GALNT3: variants seen among roughly 807,000 people sequenced by gnomAD.
The protein encoded by GALNT3 is GalNAc transferase 3.
A neutral mutation model predicts 69.8 loss-of-function variants in GALNT3; 51 were observed. The observed-to-expected ratio is 0.73, with a 90% CI of 0.58 to 0.92. GALNT3 has a LOEUF of 0.92. GALNT3 is among the 40% of genes least tolerant of loss of function. The pLI, the probability that GALNT3 is intolerant of heterozygous loss-of-function variation, is 0.00. For missense variants in GALNT3, 711 were observed against 760.0 expected, an observed-to-expected ratio of 0.94 and a Z score of 0.76; for synonymous variants, 265 against 248.5, an observed-to-expected ratio of 1.07 and a Z score of -0.63.
chr2:165,756,898 G>T, intron 7 of GALNT3, 149 bp downstream of exon 7: 1 of 613,082 alleles, frequency 1.6e-6, no homozygotes, highest in Non-Finnish European at 2.8e-6. Context: ...CTTAAAAAAG[G>T]AAACTTGGAT....
chr2:165,786,420 T>C (rs1216753600), intron 1 of GALNT3, among the ~76,000 whole-genome samples: 2 of 152,192 alleles, frequency 1.3e-5, no homozygotes, highest in African/African-American at 2.4e-5. Context: ...CTGCAGGAGA[T>C]TGGTTCCACA....
intron 1 of GALNT3, among the ~76,000 whole-genome samples, chr2:165,783,692 C>T (rs1456954899): frequency 6.6e-6 from 1 of 152,076 alleles, no homozygotes; most frequent in African/African-American, 2.4e-5. Flanking sequence ...TCCAATTAAA[C>T]TTTGTTTTCA....
chr2:165,748,605 A>G lies in GALNT3; in HGVS notation c.*176T>C. 1 of 615,248 alleles carries G rather than the reference A, an allele frequency of 1.6e-6. No individual in the cohort carries two copies. Among genetic ancestry groups the G allele is most frequent in the East Asian group, 2.8e-5 (1 of 35,712 alleles). The allele number at this position is 615,248 out of a possible 1,614,324, so 38.1% of individuals were successfully genotyped here. On this transcript the variant is annotated 3_prime_UTR_variant, in exon 11 of 11. Coordinates refer to ENST00000392701, the MANE Select transcript of GALNT3 (RefSeq NM_004482.4). ...GTATTACTAGTTATTGTGCTTTGAA[A>G]CAGAAACTTGCAGAATTTCTGTAGT... is the stretch of plus-strand genomic sequence containing the variant.
At chr2:165,749,017 G>A (rs189945725) in intron 10 of GALNT3, 114 bp from the exon 11 acceptor site, 9 of 1,108,384 alleles carry the variant, frequency 8.1e-6, no homozygotes, top group East Asian at 7.7e-5. Flanking sequence ...TCTTTCTAAG[G>A]TGAGCCATGT....
chr2:165,770,855 A>C (rs774029499), intron 1 of GALNT3, 47 bp from the exon 2 acceptor site: 1 of 727,106 alleles, frequency 1.4e-6, no homozygotes, highest in Non-Finnish European at 2.2e-6. Context: ...TCAGTCCTAC[A>C]GGCATGGCTC....
chr2:165,789,061 T>G (rs768531323), intron 1 of GALNT3, among the ~76,000 whole-genome samples: 16 of 152,144 alleles, frequency 1.1e-4, no homozygotes, highest in Non-Finnish European at 2.1e-4. Flanking sequence ...GTGAAAGAAT[T>G]TATGGCTGGG....
rs916277345 is a variant in GALNT3 at position 165,759,421 on chromosome 2, T to A, written c.988A>T (p.Asn330Tyr). The A allele has an allele frequency of 4.3e-6, 7 of 1,614,066 alleles. No individual in the cohort carries two copies. Among genetic ancestry groups the A allele is most frequent in the Non-Finnish European group, 5.9e-6 (7 of 1,179,980 alleles). Residue 330 changes from asparagine to tyrosine, a missense_variant, in exon 5 of 11, where the codon AAT (asparagine) becomes TAT (tyrosine). Physicochemically the swap from Asn to Tyr is moderately radical, Grantham distance 143. Coordinates refer to ENST00000392701, the MANE Select transcript of GALNT3 (RefSeq NM_004482.4). ...CCAAATGAAAGACTCCAGTCAAAATTTCCACGGTTATGGTTACTTCCATAA... is the reference window on the plus strand; with the variant it reads ...CCAAATGAAAGACTCCAGTCAAAATATCCACGGTTATGGTTACTTCCATAA... ...SPYGSNHNRG[N>Y]FDWSLSFGWE... is the part of the protein sequence containing the mutation.
At chr2:165,771,607 C>T (rs1688754420) in intron 1 of GALNT3, 1 of 150,146 alleles carries the variant, frequency 6.7e-6, no homozygotes, top group African/African-American at 2.5e-5. Context: ...TTTATTAAAC[C>T]CTAATATGGG....
At chr2:165,775,203 A>G (rs1305329226) in intron 1 of GALNT3, among the ~76,000 whole-genome samples, 2 of 152,150 alleles carry the variant, frequency 1.3e-5, no homozygotes, top group African/African-American at 4.8e-5. Flanking sequence ...GAAATTATCT[A>G]AAATAAAATG....
At chr2:165,768,883 C>A (rs1387765608) in intron 2 of GALNT3, among the ~76,000 whole-genome samples, 2 of 151,214 alleles carry the variant, frequency 1.3e-5, no homozygotes, top group African/African-American at 2.4e-5. Flanking sequence ...TCAACCTCTG[C>A]CCCCAGGTTC....
chr2:165,780,623 G>GAGGCCC (rs1174078297), intron 1 of GALNT3, among the ~76,000 whole-genome samples: 1 of 151,458 alleles, frequency 6.6e-6, no homozygotes, highest in Non-Finnish European at 1.5e-5. Context: ...AGATTCATCT[G>GAGGCCC]CAAATCAGGT....
Position 165,762,170 on chromosome 2 carries a change from G to C in GALNT3, c.689-116C>G, listed in dbSNP as rs138445276. On this transcript the variant is annotated intron_variant, in intron 3 of 10. Transcript: ENST00000392701. ...TTCCAAATTCATAATCTTAACAGTT[G>C]CATGTGTCCTTCCAGCAAAATGAAA... 298 of 794,236 alleles carry C rather than the reference G, an allele frequency of 3.8e-4. 2 individuals are homozygous for C. The highest frequency in any genetic ancestry group is 5.8e-4 in the Non-Finnish European group (284 of 491,174). 49.2% of individuals were successfully genotyped at this position (794,236 alleles called of 1,614,324 possible). A position where few individuals can be genotyped will look rare whatever the true frequency, so the allele number is the denominator to read the frequency against.
intron 2 of GALNT3, among the ~76,000 whole-genome samples, chr2:165,768,451 T>C (rs1191251355): frequency 6.6e-6 from 1 of 150,894 alleles, no homozygotes; most frequent in African/African-American, 2.4e-5. Context: ...TGCATTCTAA[T>C]CTATTACTGT....
intron 3 of GALNT3, among the ~76,000 whole-genome samples, chr2:165,762,869 A>G (rs2105411358): frequency 6.6e-6 from 1 of 152,236 alleles, no homozygotes; most frequent in African/African-American, 2.4e-5. Context: ...AACTCACTGC[A>G]ACCTCCGCCT....
At chr2:165,780,821 T>G (rs1219115900) in intron 1 of GALNT3, among the ~76,000 whole-genome samples, 1 of 152,108 alleles carries the variant, frequency 6.6e-6, no homozygotes, top group Admixed American at 6.5e-5. Context: ...CCAGATCTGC[T>G]CTAGTTCTGT....
chr2:165,793,635 G>C (rs1434329265), intron 1 of GALNT3: 2 of 152,458 alleles, frequency 1.3e-5, no homozygotes, highest in East Asian at 3.9e-4. Context: ...CTGCTAGCCG[G>C]AGTGGAAGCG....
chr2:165,773,467 C>A (rs902204565), intron 1 of GALNT3, among the ~76,000 whole-genome samples: 1 of 152,072 alleles, frequency 6.6e-6, no homozygotes, highest in African/African-American at 2.4e-5. Flanking sequence ...AGCATGAGAA[C>A]AAACTAATAC....
chr2:165,778,008 G>A (rs1683006819), intron 1 of GALNT3, among the ~76,000 whole-genome samples: 1 of 152,124 alleles, frequency 6.6e-6, no homozygotes, highest in Non-Finnish European at 1.5e-5. Context: ...AGCTACCCCT[G>A]GTCAGGTAGA....
At chr2:165,786,342 T>A (rs899972595) in intron 1 of GALNT3, among the ~76,000 whole-genome samples, 4 of 152,162 alleles carry the variant, frequency 2.6e-5, no homozygotes, top group African/African-American at 9.7e-5. Flanking sequence ...TTGTTGGAAG[T>A]CTTTTAATAA....
Sources: allele counts gnomAD v4.1 joint callset (sites outside exome capture counted in the v4.1 genomes callset), GRCh38; gene constraint gnomAD v4.1.1; transcripts MANE v1.5; gene names NCBI Gene and HGNC (gene_info 2026-07-23, HGNC 2026-07-21).